The following DPP10 variants were observed in gnomAD, a reference collection of about 807,000 sequenced individuals.
The protein encoded by DPP10 is inactive dipeptidyl peptidase 10.
Under a neutral mutation model 120.9 loss-of-function variants are expected in DPP10, and 33 were observed. That is an observed-to-expected ratio of 0.27 (90% CI 0.21 to 0.37). The LOEUF (loss-of-function observed/expected upper bound fraction) is 0.37. DPP10 is among the 10% of genes least tolerant of loss of function. The pLI is 1.00. For synonymous variants in DPP10, 337 were observed against 326.1 expected (o/e 1.03, Z -0.36); for missense variants, 816 against 942.8 (o/e 0.87, Z 1.76).
At chr2:115,040,807 C>T (rs893924799) in intron 1 of DPP10, among the ~76,000 whole-genome samples, 2 of 152,100 alleles carry the variant, frequency 1.3e-5, no homozygotes, top group African/African-American at 4.8e-5. Flanking sequence ...CTCCTGTCGC[C>T]TTCTGCCATG....
At chr2:115,590,474 A>G (rs1282991665) in intron 5 of DPP10, among the ~76,000 whole-genome samples, 3 of 152,136 alleles carry the variant, frequency 2.0e-5, no homozygotes, top group Admixed American at 2.0e-4. Context: ...AGCTTCATCC[A>G]TGTCCCTACA....
chr2:114,503,540 A>G (rs1438635260), intron 1 of DPP10, among the ~76,000 whole-genome samples: 1 of 152,176 alleles, frequency 6.6e-6, no homozygotes, highest in Non-Finnish European at 1.5e-5. Flanking sequence ...TAGAATATAC[A>G]TTGATTCCAG....
At chr2:115,811,550 T>A (rs1246680164) in intron 19 of DPP10, among the ~76,000 whole-genome samples, 1 of 152,200 alleles carries the variant, frequency 6.6e-6, no homozygotes, top group Non-Finnish European at 1.5e-5. Flanking sequence ...TAAACATATC[T>A]TAGCTGGGAA....
chr2:114,614,049 T>C (rs948969448), intron 1 of DPP10, among the ~76,000 whole-genome samples: 10 of 152,056 alleles, frequency 6.6e-5, no homozygotes, highest in African/African-American at 1.9e-4. Flanking sequence ...GATGGGTTGA[T>C]AGGTGCAACA....
intron 5 of DPP10, among the ~76,000 whole-genome samples, chr2:115,684,502 C>A (rs1393788352): frequency 6.6e-6 from 1 of 151,856 alleles, no homozygotes; most frequent in Non-Finnish European, 1.5e-5. Flanking sequence ...GCTGTTGACA[C>A]AGTAGCTTGC....
chr2:114,951,743 T>A (rs1697802114), intron 1 of DPP10, among the ~76,000 whole-genome samples: 1 of 152,136 alleles, frequency 6.6e-6, no homozygotes, highest in Non-Finnish European at 1.5e-5. Context: ...TATTACTTTG[T>A]TTTAAATGTT....
chr2:114,881,278 G>C (rs534567511), intron 1 of DPP10, among the ~76,000 whole-genome samples: 12 of 152,220 alleles, frequency 7.9e-5, no homozygotes, highest in Admixed American at 5.9e-4. Context: ...GGGGTCCCAT[G>C]TGGCCAACAT....
chr2:115,068,363 T>C (rs1367713172), intron 1 of DPP10, among the ~76,000 whole-genome samples: 3 of 152,078 alleles, frequency 2.0e-5, no homozygotes, highest in Non-Finnish European at 2.9e-5. Flanking sequence ...TGGCCACTTA[T>C]ATGTCTTCTT....
rs1262373404 is a variant in DPP10 at position 115,118,082 on chromosome 2, C to T, written c.61-191157C>T. On this transcript the variant is annotated intron_variant, in intron 1 of 25. Transcript: ENST00000410059. The stretch of plus-strand genomic sequence containing the variant: ...CCTATCCCTTCTCTGAGATGGGTTC[C>T]AATCTAGATAAATGGCAAAGCTATT... 3.9e-5 allele frequency among the ~76,000 whole-genome samples: 6 copies of T among 152,104 alleles called. No homozygotes were observed. In the East Asian group the frequency reaches 1.2e-3, roughly 29 times the overall value.
chr2:114,856,954 T>C (rs1250091397), intron 1 of DPP10, among the ~76,000 whole-genome samples: 1 of 152,202 alleles, frequency 6.6e-6, no homozygotes, highest in Non-Finnish European at 1.5e-5. Context: ...AATGAATTAG[T>C]AAATTCTTAT....
At chr2:114,909,949 G>A (rs1169242015) in intron 1 of DPP10, among the ~76,000 whole-genome samples, 1 of 151,756 alleles carries the variant, frequency 6.6e-6, no homozygotes, top group Non-Finnish European at 1.5e-5. Context: ...TGTAGGTTCT[G>A]CATATACTAG....
intron 11 of DPP10, among the ~76,000 whole-genome samples, chr2:115,754,682 A>G (rs1034478300): frequency 1.3e-5 from 2 of 152,178 alleles, no homozygotes; most frequent in Admixed American, 6.6e-5. Context: ...TATAATGTCA[A>G]TCATATGATC....
At chr2:114,539,474 C>T (rs1686784220) in intron 1 of DPP10, among the ~76,000 whole-genome samples, 2 of 152,162 alleles carry the variant, frequency 1.3e-5, no homozygotes, top group Non-Finnish European at 2.9e-5. Flanking sequence ...TATTCTCATG[C>T]TTCAGTCCCC....
chr2:115,582,511 C>A (rs767284101), intron 5 of DPP10, among the ~76,000 whole-genome samples: 1 of 152,126 alleles, frequency 6.6e-6, no homozygotes, highest in Admixed American at 6.6e-5. Flanking sequence ...TTGACATCTG[C>A]CCAACCGTCT....
At chr2:115,777,920 A>C (rs1682308161) in intron 15 of DPP10, 86 bp downstream of exon 15, 27 of 1,423,366 alleles carry the variant, frequency 1.9e-5, no homozygotes, top group Middle Eastern at 1.8e-4. Flanking sequence ...AAAAATTTGA[A>C]ATGTCTTTTT....
chr2:115,380,770 T>A (rs1327793902), intron 3 of DPP10, among the ~76,000 whole-genome samples: 4 of 152,204 alleles, frequency 2.6e-5, no homozygotes, highest in Admixed American at 6.5e-5. Flanking sequence ...TCTCTCAGCA[T>A]TTGCTTGTCC....
intron 7 of DPP10, among the ~76,000 whole-genome samples, chr2:115,699,621 A>G (rs1377261083): frequency 6.6e-6 from 1 of 152,188 alleles, no homozygotes; most frequent in Non-Finnish European, 1.5e-5. Flanking sequence ...AAAGAAAAAC[A>G]AACAAACCAA....
At chr2:114,705,861 G>T (rs1235628726) in intron 1 of DPP10, among the ~76,000 whole-genome samples, 1 of 152,132 alleles carries the variant, frequency 6.6e-6, no homozygotes, top group Non-Finnish European at 1.5e-5. Context: ...GTTGATCATG[G>T]TGGCAATTCC....
Position 115,104,026 on chromosome 2 carries a change from A to G in DPP10, c.61-205213A>G, listed in dbSNP as rs1340910385. ...TAACACACAGCCTGGAGGTGATTTT[A>G]TACAATATCTTATACAATATTTAAA... On this transcript the variant is annotated intron_variant, in intron 1 of 25. Transcript: ENST00000410059. 3.3e-5 allele frequency among the ~76,000 whole-genome samples: 5 copies of G among 152,200 alleles called. No homozygotes were observed. In the East Asian group the frequency reaches 9.6e-4, roughly 29 times the overall value.
Sources: allele counts gnomAD v4.1 joint callset (sites outside exome capture counted in the v4.1 genomes callset), GRCh38; gene constraint gnomAD v4.1.1; transcripts MANE v1.5; gene names NCBI Gene and HGNC (gene_info 2026-07-23, HGNC 2026-07-21).